VLDLR: variants seen among roughly 807,000 people sequenced by gnomAD.
The protein encoded by VLDLR is very low density lipoprotein receptor.
Under a neutral mutation model 112.7 loss-of-function variants are expected in VLDLR, and 81 were observed. The observed-to-expected ratio is 0.72, with a 90% CI of 0.60 to 0.86. The LOEUF (loss-of-function observed/expected upper bound fraction) is 0.86, where lower values mean the gene tolerates loss of function less well. VLDLR is among the 40% of genes least tolerant of loss of function. VLDLR has a pLI of 0.00. For missense variants in VLDLR, 1,237 were observed against 1,099.4 expected, an observed-to-expected ratio of 1.13 and a Z score of -1.77; for synonymous variants, 436 against 384.8, an observed-to-expected ratio of 1.13 and a Z score of -1.56.
chr9:2,625,252 A>C (rs1450106332), intron 1 of VLDLR, among the ~76,000 whole-genome samples: 1 of 152,246 alleles, frequency 6.6e-6, no homozygotes, highest in African/African-American at 2.4e-5. Flanking sequence ...GATAAGACTT[A>C]ACAAGAACTC....
At chr9:2,636,531 T>G (rs1177107953) in intron 2 of VLDLR, among the ~76,000 whole-genome samples, 1 of 152,170 alleles carries the variant, frequency 6.6e-6, no homozygotes, top group Non-Finnish European at 1.5e-5. Context: ...CTACACCTGA[T>G]CTCTCAGAGC....
In VLDLR at chr9:2,643,770, G is replaced by C. The variant is rs776846247; in HGVS notation, c.943+20G>C. ...AAAATGGTAAGGGTTTCTTCTTGTT[G>C]GTTAAGCAATGGATTGCTCTGACCA... is the stretch of plus-strand genomic sequence containing the variant. On this transcript the variant is annotated intron_variant, in intron 6 of 18. Coordinates refer to ENST00000382100, the MANE Select transcript of VLDLR (RefSeq NM_003383.5). 6.2e-7 allele frequency: 1 copy of C among 1,614,122 alleles called. No homozygotes were observed. Among genetic ancestry groups the C allele is most frequent in the Non-Finnish European group, 8.5e-7 (1 of 1,179,972 alleles).
Position 2,644,735 on chromosome 9 carries a change from T to A in VLDLR, c.1068T>A (p.His356Gln). ...DWSDEPLKEC[H>Q]INECLVNNGG... ...GTGACTACTACATTTTTATTCCAGATATAAACGAATGCTTGGTAAATAATG... is the reference window on the plus strand; with the variant it reads ...GTGACTACTACATTTTTATTCCAGAAATAAACGAATGCTTGGTAAATAATG... Residue 356 changes from histidine to glutamine, a missense_variant and splice_region_variant, in exon 8 of 19, where the codon CAT becomes CAA. Physicochemically the swap from His to Gln is conservative, Grantham distance 24. Transcript: ENST00000382100. The A allele has an allele frequency of 6.2e-7, 1 of 1,614,168 alleles. No individual in the cohort carries two copies. Among genetic ancestry groups the A allele is most frequent in the Non-Finnish European group, 8.5e-7 (1 of 1,180,036 alleles).
Position 2,643,280 on chromosome 9 carries a change from C to T in VLDLR, c.569C>T (p.Pro190Leu), listed in dbSNP as rs772075122. The change falls in exon 5 of 19, where the codon CCG becomes CTG. Residue 190 changes from proline (P) to leucine (L), a missense_variant. Transcript: ENST00000382100. ...SDGSDELDCAPPTCGAHEFQC... is the reference protein window; with the variant it reads ...SDGSDELDCALPTCGAHEFQC... ...GGCAGTGATGAGCTGGACTGTGCCC[C>T]GCCAACCTGTGGCGCCCATGAGTTC... The T allele has an allele frequency of 8.0e-5, 129 of 1,613,608 alleles. No homozygotes were observed. The highest frequency in any genetic ancestry group is 2.7e-4 in the East Asian group (12 of 44,876).
rs150422409 is a variant in VLDLR at position 2,659,281 on chromosome 9, G to A, written c.*5413G>A. ...GGGGATGCAGTACTGTACAAAGATT[G>A]AGCTGGATGTCGCATTGCATGTTTG... On this transcript the variant is annotated 3_prime_UTR_variant, in exon 19 of 19. Transcript: ENST00000382100. 294 of 152,308 alleles carry A rather than the reference G, an allele frequency of 1.9e-3. 2 individuals are homozygous for A. The highest frequency in any genetic ancestry group is 6.5e-3 in the African/African-American group (272 of 41,554). The allele number at this position is 152,308 out of a possible 1,614,324, so 9.4% of individuals were successfully genotyped here. A position where few individuals can be genotyped will look rare whatever the true frequency, so the allele number is the denominator to read the frequency against.
chr9:2,651,329 T>C lies in VLDLR; in HGVS notation c.2252-86T>C, dbSNP rs1818319560. On this transcript the variant is annotated intron_variant, in intron 15 of 18. Coordinates refer to ENST00000382100, the MANE Select transcript of VLDLR (RefSeq NM_003383.5). ...TTGTCTATTTTACCTGGTTTTAAAATAACCTTTTACATGGCTTGTCTGGAC... is the reference window on the plus strand; with the variant it reads ...TTGTCTATTTTACCTGGTTTTAAAACAACCTTTTACATGGCTTGTCTGGAC... The C allele has an allele frequency of 3.4e-6, 4 of 1,183,126 alleles. No homozygotes were observed. In the South Asian group the frequency reaches 3.8e-5, roughly 11 times the overall value. The allele number at this position is 1,183,126 out of a possible 1,614,324, so 73.3% of individuals were successfully genotyped here.
rs1350853624 is a variant in VLDLR at position 2,632,687 on chromosome 9, C to G, written c.83-2766C>G. 5.9e-5 allele frequency among the ~76,000 whole-genome samples: 9 copies of G among 152,210 alleles called. No individual in the cohort carries two copies. In the East Asian group the frequency reaches 1.7e-3, roughly 29 times the overall value. On this transcript the variant is annotated intron_variant, in intron 1 of 18. Transcript: ENST00000382100. ...AGCACCAGAGGTGGATAGGTAGAAC[C>G]TTTTAAAAACTTGAACAGAAAACTT...
intron 1 of VLDLR, among the ~76,000 whole-genome samples, chr9:2,633,452 T>C (rs987245117): frequency 1.3e-5 from 2 of 152,176 alleles, no homozygotes; most frequent in African/African-American, 4.8e-5. Context: ...TTAAGGAGGT[T>C]GTCTTCCAGG....
chr9:2,652,939 C>G lies in VLDLR; in HGVS notation c.2576C>G (p.Thr859Arg). 1 of 1,614,020 alleles carries G rather than the reference C, an allele frequency of 6.2e-7. No homozygotes were observed. The highest frequency in any genetic ancestry group is 8.5e-7 in the Non-Finnish European group (1 of 1,179,934). ...IGRHSASVGHTYPAISVVSTD... is the reference protein window; with the variant it reads ...IGRHSASVGHRYPAISVVSTD... The stretch of plus-strand genomic sequence containing the variant: ...AGACACAGTGCTTCTGTTGGACACA[C>G]GTACCCAGCAGTAAGTCAGCTTTGT... Residue 859 changes from threonine (T) to arginine (R), a missense_variant, in exon 18 of 19, where the codon ACG becomes AGG. Coordinates refer to ENST00000382100, the MANE Select transcript of VLDLR (RefSeq NM_003383.5).
At position 2,637,858 on chromosome 9, in the gene VLDLR, G is replaced by A. The variant is rs796733279; in HGVS notation, c.203-2001G>A. On this transcript the variant is annotated intron_variant, in intron 2 of 18. Transcript: ENST00000382100. ...CTCGGGAGGCTGAGGCAGGAGAATG[G>A]CGTGAACCCGGGAGGCGGAGCTTGC... Among the ~76,000 whole-genome samples the A allele has an allele frequency of 2.0e-5, 3 of 152,132 alleles. No individual in the cohort carries two copies. In the East Asian group the frequency reaches 5.8e-4, roughly 29 times the overall value.
intron 1 of VLDLR, among the ~76,000 whole-genome samples, chr9:2,624,695 G>C (rs1209709284): frequency 6.6e-6 from 1 of 152,220 alleles, no homozygotes; most frequent in East Asian, 1.9e-4. Flanking sequence ...GGTAGTAATA[G>C]ACCTGGAGGT....
intron 14 of VLDLR, among the ~76,000 whole-genome samples, chr9:2,649,612 G>A (rs1436626803): frequency 6.6e-5 from 10 of 152,220 alleles, no homozygotes; most frequent in East Asian, 5.8e-4. Flanking sequence ...GACTGGTCTC[G>A]AACTCCTGAC....
Position 2,650,353 on chromosome 9 carries a change from T to A in VLDLR, c.2105-17T>A, listed in dbSNP as rs570273909. On this transcript the variant is annotated splice_polypyrimidine_tract_variant and intron_variant, in intron 14 of 18. Coordinates refer to ENST00000382100, the MANE Select transcript of VLDLR (RefSeq NM_003383.5). ...CACCGGAATACCCATTTTAATGGTA[T>A]TTTTTTTCCTGACTAGGTAAAAATT... is the stretch of plus-strand genomic sequence containing the variant. The A allele has an allele frequency of 5.0e-6, 8 of 1,611,364 alleles. No homozygotes were observed. The African/African-American group carries it at 8.0e-5, about 16-fold the overall frequency.
intron 16 of VLDLR, 107 bp downstream of exon 16, chr9:2,651,605 T>C (rs1332715518): frequency 5.5e-6 from 6 of 1,085,038 alleles, no homozygotes; most frequent in South Asian, 4.1e-5. Flanking sequence ...TCTGCCCCAA[T>C]TGGTAACCTA....
intron 4 of VLDLR, among the ~76,000 whole-genome samples, chr9:2,642,821 G>A (rs1327766332): frequency 2.0e-5 from 3 of 152,202 alleles, no homozygotes; most frequent in African/African-American, 7.2e-5. Flanking sequence ...TTGATTCAAG[G>A]ACAACTCAAT....
intron 18 of VLDLR, 33 bp downstream of exon 18, chr9:2,652,982 C>G (rs1818422663): frequency 6.2e-7 from 1 of 1,613,606 alleles, no homozygotes; most frequent in Non-Finnish European, 8.5e-7. Flanking sequence ...TACACCATGG[C>G]TTGAAGTGAG....
chr9:2,640,850 C>A (rs1258962475), intron 3 of VLDLR, among the ~76,000 whole-genome samples: 1 of 152,160 alleles, frequency 6.6e-6, no homozygotes. Context: ...AAAGATTCAG[C>A]CTCAACTTTT....
rs1163333686 is a variant in VLDLR at position 2,656,863 on chromosome 9, A to C, written c.*2995A>C. 1 of 150,136 alleles carries C rather than the reference A, an allele frequency of 6.7e-6. No individual in the cohort carries two copies. Among genetic ancestry groups the C allele is most frequent in the African/African-American group, 2.5e-5 (1 of 40,442 alleles). 9.3% of individuals were successfully genotyped at this position (150,136 alleles called of 1,614,324 possible). ...GCAAAAAAATAGTCCCAGTTGTTCA[A>C]CTAGCTCCCTTAAAACATTCTAGTA... On this transcript the variant is annotated 3_prime_UTR_variant, in exon 19 of 19. Transcript: ENST00000382100.
In VLDLR at chr9:2,643,233, T is replaced by C. The variant is rs1220378894; in HGVS notation, c.522T>C (p.Asn174=). ...GRCISRNFVC[N]GQDDCSDGSD... The stretch of plus-strand genomic sequence containing the variant: ...GCATCTCCAGGAACTTTGTATGCAA[T>C]GGCCAGGATGACTGCAGCGATGGCA... The change falls in exon 5 of 19, where the codon AAT becomes AAC. Residue 174 remains asparagine, a synonymous_variant. Transcript: ENST00000382100. The C allele has an allele frequency of 1.2e-6, 2 of 1,614,036 alleles. No homozygotes were observed. The highest frequency in any genetic ancestry group is 1.7e-6 in the Non-Finnish European group (2 of 1,180,030).
Sources: allele counts gnomAD v4.1 joint callset (sites outside exome capture counted in the v4.1 genomes callset), GRCh38; gene constraint gnomAD v4.1.1; transcripts MANE v1.5; gene names NCBI Gene and HGNC (gene_info 2026-07-23, HGNC 2026-07-21).